USP43: variants seen among roughly 807,000 people sequenced by gnomAD.
USP43 encodes ubiquitin carboxyl-terminal hydrolase 43.
USP43 carries 33 observed loss-of-function variants against 90.7 expected under a neutral mutation model. The ratio of observed to expected loss-of-function variants is 0.36; its 90% CI spans 0.28 to 0.49. The LOEUF is 0.49. USP43 is among the 20% of genes least tolerant of loss of function. USP43 has a pLI of 0.98. For synonymous variants in USP43, 598 were observed against 615.8 expected (o/e 0.97, Z 0.43); for missense variants, 1,274 against 1,476.4 (o/e 0.86, Z 2.25).
chr17:9,662,190 G>A (rs987694636), intron 2 of USP43, among the ~76,000 whole-genome samples: 3 of 152,074 alleles, frequency 2.0e-5, no homozygotes, highest in African/African-American at 7.2e-5. Flanking sequence ...GTGAGGGCAG[G>A]ACCCCTGATT....
At chr17:9,660,361 G>A (rs1912558904) in intron 2 of USP43, among the ~76,000 whole-genome samples, 1 of 152,150 alleles carries the variant, frequency 6.6e-6, no homozygotes, top group Non-Finnish European at 1.5e-5. Flanking sequence ...ATGTTGGCCA[G>A]GCTGGCCTCG....
At chr17:9,687,296 T>C (rs532715422) in intron 8 of USP43, among the ~76,000 whole-genome samples, 155 of 152,276 alleles carry the variant, frequency 1.0e-3, no homozygotes, top group African/African-American at 3.5e-3. Flanking sequence ...TAGTTTTTCC[T>C]AGAAGATAGC....
At chr17:9,697,807 A>G (rs1298450637) in intron 9 of USP43, among the ~76,000 whole-genome samples, 8 of 152,098 alleles carry the variant, frequency 5.3e-5, no homozygotes, top group African/African-American at 1.9e-4. Context: ...GTGTGAGTGC[A>G]GGTGTCTTTT....
chr17:9,664,091 A>G (rs1023913605), intron 2 of USP43, among the ~76,000 whole-genome samples: 1 of 152,212 alleles, frequency 6.6e-6, no homozygotes, highest in Non-Finnish European at 1.5e-5. Context: ...GTCATAAAAT[A>G]TTAGGACATA....
At chr17:9,727,740 C>T (rs1281423930) in intron 14 of USP43, among the ~76,000 whole-genome samples, 2 of 152,112 alleles carry the variant, frequency 1.3e-5, no homozygotes, top group Admixed American at 6.5e-5. Flanking sequence ...ACTGGCTTAC[C>T]CTGTGGCTTC....
chr17:9,669,004 T>G (rs1913220956), intron 3 of USP43, among the ~76,000 whole-genome samples: 1 of 135,902 alleles, frequency 7.4e-6, no homozygotes, highest in Admixed American at 7.2e-5. Flanking sequence ...CCTGGCTAAT[T>G]TTTTTTTTTT....
intron 14 of USP43, among the ~76,000 whole-genome samples, chr17:9,720,162 C>T (rs1425201281): frequency 6.6e-6 from 1 of 151,604 alleles, no homozygotes; most frequent in East Asian, 2.0e-4. Flanking sequence ...CCCGTCTCTA[C>T]TAAAAACGCA....
At chr17:9,659,926 T>C (rs1300263554) in intron 2 of USP43, among the ~76,000 whole-genome samples, 3 of 152,142 alleles carry the variant, frequency 2.0e-5, no homozygotes, top group African/African-American at 7.2e-5. Context: ...TAGATGCCAG[T>C]CTAGTAGGCA....
rs55986035 is a variant in USP43 at position 9,709,002 on chromosome 17, A to G, written c.2012-954A>G. Among the ~76,000 whole-genome samples the G allele has an allele frequency of 5.3e-4, 81 of 152,306 alleles. No individual in the cohort carries two copies. In the Middle Eastern group the frequency reaches 0.024, roughly 45 times the overall value. On this transcript the variant is annotated intron_variant, in intron 12 of 14. Coordinates refer to ENST00000285199, the MANE Select transcript of USP43 (RefSeq NM_153210.5). This position sits in a 1 kb window ranked among gnomAD's most constrained non-coding sequence, Gnocchi z 5.0. ...ACAATTTTAAAAGTGGGAGAAAGACACGCAGAATATGCGACAGAGAATATA... is the reference window on the plus strand; with the variant it reads ...ACAATTTTAAAAGTGGGAGAAAGACGCGCAGAATATGCGACAGAGAATATA...
intron 2 of USP43, among the ~76,000 whole-genome samples, chr17:9,659,537 A>G (rs1202347245): frequency 6.6e-6 from 1 of 152,148 alleles, no homozygotes; most frequent in Non-Finnish European, 1.5e-5. Flanking sequence ...ACTTAGAAAT[A>G]GGTGGTACCT....
At chr17:9,693,711 G>A (rs368024169) in intron 9 of USP43, among the ~76,000 whole-genome samples, 9 of 152,116 alleles carry the variant, frequency 5.9e-5, no homozygotes, top group South Asian at 2.1e-4. Flanking sequence ...GGTAGCACGC[G>A]CCTATAATCC....
chr17:9,679,915 C>A (rs1172804559), intron 5 of USP43, among the ~76,000 whole-genome samples: 2 of 151,818 alleles, frequency 1.3e-5, no homozygotes. Context: ...TTCAGAAATT[C>A]TTTCACTCTG....
rs748514457 is a variant in USP43, at chr17:9,728,590, C to A, written c.2972C>A (p.Pro991His). The A allele has an allele frequency of 1.2e-6, 2 of 1,613,820 alleles. No individual in the cohort carries two copies. The highest frequency in any genetic ancestry group is 1.7e-6 in the Non-Finnish European group (2 of 1,179,882). Residue 991 changes from proline to histidine, a missense_variant, in exon 15 of 15, where the codon CCC becomes CAC. By Grantham distance (77) the Pro-to-His change is moderately conservative. This residue lies in a region of USP43 where 353 missense variants were observed against 329.7 expected (regional missense o/e 1.07). Coordinates refer to ENST00000285199, the MANE Select transcript of USP43 (RefSeq NM_153210.5). The surrounding 1 kb of genome is among the most constrained non-coding windows in gnomAD (Gnocchi z 6.2). ...CGAGGCACCTCTGAGCTAGACAGAC[C>A]CCTGCAGGGGACACTCACCCTTCTG... ...SRRGTSELDR[P>H]LQGTLTLLRS...
chr17:9,645,766 C>T lies in USP43; in HGVS notation c.134C>T (p.Pro45Leu). Reference sequence around the variant, plus strand: ...AGCCGCTCACGCCCCGGGGACTCACCGCCCCGGCCCCAGCCGGGACACTGT... The same window carrying T: ...AGCCGCTCACGCCCCGGGGACTCACTGCCCCGGCCCCAGCCGGGACACTGT... ...LGSRSRPGDS[P>L]PRPQPGHCDG... Residue 45 changes from proline to leucine, a missense_variant, in exon 1 of 15, where the codon CCG becomes CTG. Around this residue, in one of 6 missense-constraint regions of USP43, gnomAD observed 112 missense variants for 106.6 expected, o/e 1.05. Transcript: ENST00000285199. The surrounding 1 kb of genome is among the most constrained non-coding windows in gnomAD (Gnocchi z 6.8). 1 of 1,393,444 alleles carries T rather than the reference C, an allele frequency of 7.2e-7. No homozygotes were observed. Among genetic ancestry groups the T allele is most frequent in the Non-Finnish European group, 9.2e-7 (1 of 1,081,482 alleles). The allele number at this position is 1,393,444 out of a possible 1,614,324, so 86.3% of individuals were successfully genotyped here.
At position 9,729,131 on chromosome 17, in the gene USP43, G is replaced by T. The variant is rs952993920; in HGVS notation, c.*141G>T. 73 of 731,444 alleles carry T rather than the reference G, an allele frequency of 1.0e-4. No individual in the cohort carries two copies. The African/African-American group carries it at 1.3e-3, about 13-fold the overall frequency. The allele number at this position is 731,444 out of a possible 1,614,324, so 45.3% of individuals were successfully genotyped here. A position where few individuals can be genotyped will look rare whatever the true frequency, so the allele number is the denominator to read the frequency against. ...AAAAATTTTTTTTTTTTTGTGGTGGGGGGTCTCCATATCTAGACTTCCAAC... is the reference window on the plus strand; with the variant it reads ...AAAAATTTTTTTTTTTTTGTGGTGGTGGGTCTCCATATCTAGACTTCCAAC... On this transcript the variant is annotated 3_prime_UTR_variant, in exon 15 of 15. Coordinates refer to ENST00000285199, the MANE Select transcript of USP43 (RefSeq NM_153210.5).
At position 9,710,327 on chromosome 17, in the gene USP43, G is replaced by C. The variant is rs184153049; in HGVS notation, c.2170+213G>C. 3.6e-3 allele frequency among the ~76,000 whole-genome samples: 545 copies of C among 152,196 alleles called. 3 individuals carry two copies. Among genetic ancestry groups the C allele is most frequent in the African/African-American group, 0.012 (511 of 41,516 alleles). On this transcript the variant is annotated intron_variant, in intron 13 of 14. Transcript: ENST00000285199. ...GATTATAATTCAGGAAAGGGGAAAA[G>C]AATAATTGTTTGTATTCAGGGCAGG...
In USP43 at chr17:9,676,202, C is replaced by T. The variant is rs149583723; in HGVS notation, c.834-544C>T. On this transcript the variant is annotated intron_variant, in intron 4 of 14. Coordinates refer to ENST00000285199, the MANE Select transcript of USP43 (RefSeq NM_153210.5). ...TATTTAACAACTAGAGCCTTGAGATCGGACATCTCTATGGTGATTCTTAAT... is the reference window on the plus strand; with the variant it reads ...TATTTAACAACTAGAGCCTTGAGATTGGACATCTCTATGGTGATTCTTAAT... Among the ~76,000 whole-genome samples the T allele has an allele frequency of 1.3e-3, 197 of 152,276 alleles. 1 individual carries two copies. In the East Asian group the frequency reaches 0.026, roughly 20 times the overall value.
chr17:9,663,006 C>T (rs9898650), intron 2 of USP43, among the ~76,000 whole-genome samples: 1,796 of 151,834 alleles, frequency 0.012, 39 homozygotes, highest in African/African-American at 0.041. Context: ...TTAGTAGAGA[C>T]GGGATTTTAC....
intron 2 of USP43, among the ~76,000 whole-genome samples, chr17:9,657,480 A>G (rs1912342435): frequency 6.6e-6 from 1 of 151,332 alleles, no homozygotes; most frequent in Non-Finnish European, 1.5e-5. Flanking sequence ...AGCCTGGGTG[A>G]CATAGTGAAA....
Sources: gnomAD v4.1 joint callset for allele counts (sites outside exome capture counted in the v4.1 genomes callset) on GRCh38, gnomAD v4.1.1 for gene constraint, gnomAD v4.1.1 regional missense constraint, Gnocchi (gnomAD v3.1) non-coding constraint, MANE v1.5 for transcripts, NCBI Gene and HGNC (gene_info 2026-07-23, HGNC 2026-07-21) for gene names.